The following PRELID2 variants were observed in gnomAD, a reference collection of about 807,000 sequenced individuals.
The protein encoded by PRELID2 is PRELI domain containing 2.
PRELID2 carries 25 observed loss-of-function variants against 28.4 expected under a neutral mutation model. The ratio of observed to expected loss-of-function variants is 0.88; its 90% CI spans 0.64 to 1.23. The LOEUF (loss-of-function observed/expected upper bound fraction) is 1.23. PRELID2 is among the 50% of genes most tolerant of loss of function. The pLI, the probability that PRELID2 is intolerant of heterozygous loss-of-function variation, is 0.00. For missense variants in PRELID2, 201 were observed against 214.4 expected (o/e 0.94, Z 0.39); for synonymous variants, 76 against 71.6 (o/e 1.06, Z -0.31).
chr5:145,483,965 T>C (rs1156830395), intron 1 of PRELID2, among the ~76,000 whole-genome samples: 2 of 152,326 alleles, frequency 1.3e-5, no homozygotes, highest in African/African-American at 4.8e-5. Flanking sequence ...TCAGTAAAGA[T>C]TTATTGAATA....
chr5:145,723,518 C>A (rs945001117), intron 1 of PRELID2, among the ~76,000 whole-genome samples: 7 of 151,968 alleles, frequency 4.6e-5, no homozygotes, highest in African/African-American at 1.7e-4. Context: ...ATAACTAAAG[C>A]CTTAATAAAA....
the PRELID2 span, among the ~76,000 whole-genome samples, chr5:145,417,033 G>C: frequency 6.6e-6 from 1 of 151,860 alleles, no homozygotes; most frequent in Non-Finnish European, 1.5e-5. Context: ...AAGAAGAAGA[G>C]AAGAGATAAA....
chr5:145,697,032 A>ATT lies in PRELID2; in HGVS notation n.70+67897_70+67898dup, dbSNP rs1160760121. Reference sequence around the variant, plus strand: ...AAGTGGATGTAGGAAAGAGAGGAAAATTATATATATATATATATATATATA... The same window carrying ATT: ...AAGTGGATGTAGGAAAGAGAGGAAAATTTTATATATATATATATATATATATA... On this transcript the variant is annotated intron_variant and non_coding_transcript_variant, in intron 1 of 2. Coordinates refer to the PRELID2 transcript ENST00000510259. Among the ~76,000 whole-genome samples the ATT allele has an allele frequency of 7.5e-3, 605 of 80,216 alleles. 7 individuals carry two copies. The highest frequency in any genetic ancestry group is 0.01 in the African/African-American group (223 of 21,806). The allele number at this position is 80,216 out of a possible 152,430, so 52.6% of individuals were successfully genotyped here.
intron 1 of PRELID2, among the ~76,000 whole-genome samples, chr5:145,556,476 T>C (rs937585060): frequency 6.6e-6 from 1 of 152,190 alleles, no homozygotes; most frequent in African/African-American, 2.4e-5. Flanking sequence ...TTTCTTTCCA[T>C]AACTATTATC....
In PRELID2 at chr5:145,526,474, G is replaced by C. The variant is rs142559932; in HGVS notation, n.71-53159C>G. On this transcript the variant is annotated intron_variant and non_coding_transcript_variant, in intron 1 of 2. Transcript: ENST00000510259. ...TGCTTCCTATATTTGTACATGGAGA[G>C]GCTGGAGAGCAAGCTGGGCCAGGCC... Among the ~76,000 whole-genome samples the C allele has an allele frequency of 3.0e-3, 464 of 152,294 alleles. 4 individuals carry two copies. Among genetic ancestry groups the C allele is most frequent in the African/African-American group, 0.011 (447 of 41,564 alleles).
chr5:145,749,041 A>G (rs987844277), intron 1 of PRELID2, among the ~76,000 whole-genome samples: 2 of 152,190 alleles, frequency 1.3e-5, no homozygotes, highest in African/African-American at 2.4e-5. Flanking sequence ...AACCTAGGCA[A>G]TACTATTCAG....
At chr5:145,827,149 G>A (rs868386808) in intron 1 of PRELID2, among the ~76,000 whole-genome samples, 1 of 152,116 alleles carries the variant, frequency 6.6e-6, no homozygotes, top group Admixed American at 6.5e-5. Context: ...TAAGCATTAA[G>A]GGAATCTGTT....
At chr5:145,409,750 G>GAAAAAAAA in the PRELID2 span, among the ~76,000 whole-genome samples, 1 of 104,994 alleles carries the variant, frequency 9.5e-6, no homozygotes. Context: ...CATCTCTACT[G>GAAAAAAAA]AAAAAAAAAA....
the PRELID2 span, among the ~76,000 whole-genome samples, chr5:145,313,469 A>C: frequency 6.6e-6 from 1 of 152,202 alleles, no homozygotes; most frequent in African/African-American, 2.4e-5. Context: ...CCATTTGTGA[A>C]AACCTGTTCA....
intron 1 of PRELID2, among the ~76,000 whole-genome samples, chr5:145,679,026 T>A (rs1218548418): frequency 6.6e-6 from 1 of 152,306 alleles, no homozygotes; most frequent in South Asian, 2.1e-4. Flanking sequence ...ATTCTAGAGA[T>A]CTCTAAACAG....
At position 145,668,966 on chromosome 5, in the gene PRELID2, G is replaced by A. The variant is rs140509718; in HGVS notation, n.70+95965C>T. On this transcript the variant is annotated intron_variant and non_coding_transcript_variant, in intron 1 of 2. Transcript: ENST00000510259. ...AGCTCCCCCTTTCACAGGCTGCAGC[G>A]GTTTCAGGTATCATATCTAGAGTCA... Among the ~76,000 whole-genome samples, 525 of 152,038 alleles carry A rather than the reference G, an allele frequency of 3.5e-3. 3 individuals carry two copies. Among genetic ancestry groups the A allele is most frequent in the African/African-American group, 0.012 (492 of 41,496 alleles).
intron 5 of PRELID2, among the ~76,000 whole-genome samples, chr5:145,777,608 C>T (rs1758492080): frequency 6.6e-6 from 1 of 152,168 alleles, no homozygotes; most frequent in Non-Finnish European, 1.5e-5. Context: ...AACAGGGAGG[C>T]ACGGCCAGGG....
intron 5 of PRELID2, among the ~76,000 whole-genome samples, chr5:145,778,020 G>A (rs1204923465): frequency 6.6e-6 from 1 of 152,202 alleles, no homozygotes; most frequent in Non-Finnish European, 1.5e-5. Context: ...CTTCAGGCCA[G>A]GGAGGGCCTG....
the PRELID2 span, among the ~76,000 whole-genome samples, chr5:145,462,496 G>C: frequency 6.6e-6 from 1 of 152,210 alleles, no homozygotes; most frequent in South Asian, 2.1e-4. Flanking sequence ...AAAATTGCAT[G>C]AATTCAGAAA....
chr5:145,536,470 A>T (rs779567221), intron 1 of PRELID2, among the ~76,000 whole-genome samples: 7 of 151,854 alleles, frequency 4.6e-5, no homozygotes, highest in Non-Finnish European at 1.0e-4. Context: ...GCTGCCAAGA[A>T]CTCTCAACCT....
At chr5:145,301,560 T>C in the PRELID2 span, among the ~76,000 whole-genome samples, 2 of 152,192 alleles carry the variant, frequency 1.3e-5, no homozygotes, top group African/African-American at 4.8e-5. Flanking sequence ...TTTCAGCTCC[T>C]TTCTAAAAGA....
At chr5:145,740,929 AATATATAT>A (rs1756692194) in intron 1 of PRELID2, among the ~76,000 whole-genome samples, 1 of 43,856 alleles carries the variant, frequency 2.3e-5, no homozygotes, top group African/African-American at 5.6e-5. Flanking sequence ...TTTATCGATA[AATATATAT>A]GTACATATAT....
At chr5:145,295,661 C>G in the PRELID2 span, among the ~76,000 whole-genome samples, 2 of 151,896 alleles carry the variant, frequency 1.3e-5, no homozygotes, top group African/African-American at 4.8e-5. Flanking sequence ...ATCTTAAGAC[C>G]CACACACATC....
intron 4 of PRELID2, among the ~76,000 whole-genome samples, chr5:145,808,560 A>G (rs1753706389): frequency 6.6e-6 from 1 of 152,180 alleles, no homozygotes. Context: ...ATTCATGAGT[A>G]ATTTCAGTAG....
Sources: gnomAD v4.1 joint callset for allele counts (sites outside exome capture counted in the v4.1 genomes callset) on GRCh38, gnomAD v4.1.1 for gene constraint, MANE v1.5 for transcripts, NCBI Gene and HGNC (gene_info 2026-07-23, HGNC 2026-07-21) for gene names.